The following NIN variants were observed in gnomAD, a reference collection of about 807,000 sequenced individuals.
The protein encoded by NIN is glycogen synthase kinase 3 beta-interacting protein.
Under a neutral mutation model 257.6 loss-of-function variants are expected in NIN, and 137 were observed. The ratio of observed to expected loss-of-function variants is 0.53; its 90% CI spans 0.46 to 0.61. The LOEUF is 0.61. Ranked by LOEUF, NIN falls within the 20% of genes least tolerant of loss-of-function variation. NIN has a pLI of 0.00. For synonymous variants in NIN, 918 were observed against 919.8 expected, an observed-to-expected ratio of 1.00 and a Z score of 0.04; for missense variants, 2,439 against 2,501.2, an observed-to-expected ratio of 0.98 and a Z score of 0.53.
At chr14:50,745,552 G>T (rs1049053036) in intron 22 of NIN, among the ~76,000 whole-genome samples, 1 of 152,150 alleles carries the variant, frequency 6.6e-6, no homozygotes, top group Non-Finnish European at 1.5e-5. Flanking sequence ...TGTAGGAATA[G>T]TATGACAAAA....
At chr14:50,815,440 T>C (rs2142341348) in intron 3 of NIN, among the ~76,000 whole-genome samples, 1 of 152,324 alleles carries the variant, frequency 6.6e-6, no homozygotes, top group South Asian at 2.1e-4. Context: ...ATGCTGTTGG[T>C]GGGAGTGTAA....
chr14:50,800,001 TACACATACACAC>T (rs912388869), intron 4 of NIN, among the ~76,000 whole-genome samples: 8 of 81,414 alleles, frequency 9.8e-5, no homozygotes, highest in African/African-American at 2.2e-4. Context: ...ACAATATATA[TACACATACACAC>T]ACACACACAC....
At chr14:50,761,957 T>C (rs2042291253) in intron 15 of NIN, 46 bp from the exon 16 acceptor site, 1 of 1,608,644 alleles carries the variant, frequency 6.2e-7, no homozygotes. Flanking sequence ...GTTCTTTCAA[T>C]AACACAGTGT....
chr14:50,803,089 C>T lies in NIN; in HGVS notation c.265+3648G>A, dbSNP rs534819681. On this transcript the variant is annotated intron_variant, in intron 4 of 30. Coordinates refer to ENST00000530997, the MANE Select transcript of NIN (RefSeq NM_020921.4). ...ACAGACCTCGCCGGGCGCAGTGGCT[C>T]ATGCCTGTAATCCCAGCACTTTGGG... 2.0e-5 allele frequency among the ~76,000 whole-genome samples: 3 copies of T among 152,346 alleles called. No individual in the cohort carries two copies. In the South Asian group the frequency reaches 6.2e-4, roughly 32 times the overall value.
At chr14:50,776,853 A>G in intron 7 of NIN, 96 bp downstream of exon 7, 3 of 1,097,290 alleles carry the variant, frequency 2.7e-6, no homozygotes, top group South Asian at 3.3e-5. Flanking sequence ...ATGGAGCCTA[A>G]CAAGCTGCAG....
intron 3 of NIN, among the ~76,000 whole-genome samples, chr14:50,819,543 C>T (rs1255987792): frequency 6.6e-6 from 1 of 152,188 alleles, no homozygotes; most frequent in Non-Finnish European, 1.5e-5. Flanking sequence ...CACCTTCCAC[C>T]ATGATTGTGA....
At chr14:50,779,736 C>T (rs1254264870) in intron 5 of NIN, among the ~76,000 whole-genome samples, 1 of 148,860 alleles carries the variant, frequency 6.7e-6, no homozygotes, top group Non-Finnish European at 1.5e-5. Context: ...CCAGCCTGGG[C>T]AACAGAGCGA....
At chr14:50,813,505 T>C (rs531870990) in intron 3 of NIN, among the ~76,000 whole-genome samples, 2 of 152,368 alleles carry the variant, frequency 1.3e-5, no homozygotes, top group South Asian at 4.1e-4. Context: ...CACCACCTCT[T>C]AGGAGAAATT....
At chr14:50,731,487 C>A (rs368686567) in intron 28 of NIN, among the ~76,000 whole-genome samples, 1 of 140,468 alleles carries the variant, frequency 7.1e-6, no homozygotes, top group East Asian at 2.1e-4. Context: ...GCCAAGATCA[C>A]ACCAATGCAC....
Position 50,726,054 on chromosome 14 carries a change from G to C in NIN, c.6091C>G (p.Gln2031Glu). ...CGTTCCTCCATGACAGTTACCAGTT[G>C]TTCCTGGTTTCCCTGAAGGGAAGAA... ...ETNTPQGNQE[Q>E]LVTVMEERMI... The change falls in exon 30 of 31, where the codon CAA (glutamine) becomes GAA (glutamate). Residue 2031 changes from glutamine (Q) to glutamate (E), a missense_variant. Physicochemically the swap from Gln to Glu is conservative, Grantham distance 29. This residue lies in a region of NIN where 2,043 missense variants were observed against 2,050.2 expected (regional missense o/e 1.00). Transcript: ENST00000530997. The C allele has an allele frequency of 1.2e-6, 2 of 1,612,218 alleles. No individual in the cohort carries two copies. The highest frequency in any genetic ancestry group is 1.7e-6 in the Non-Finnish European group (2 of 1,178,668).
At chr14:50,806,089 A>AT (rs902725592) in intron 4 of NIN, 1 of 152,252 alleles carries the variant, frequency 6.6e-6, no homozygotes, top group Admixed American at 6.5e-5. Context: ...ATTGGCAACA[A>AT]TTTTTGTTTT....
intron 27 of NIN, among the ~76,000 whole-genome samples, chr14:50,735,887 T>C (rs1216975489): frequency 6.6e-6 from 1 of 152,222 alleles, no homozygotes; most frequent in Non-Finnish European, 1.5e-5. Context: ...CGTTTTATCT[T>C]ACAACGCAGT....
At chr14:50,723,704 A>C (rs1242552659) in intron 30 of NIN, 32 bp from the exon 31 acceptor site, 2 of 1,590,232 alleles carry the variant, frequency 1.3e-6, no homozygotes, top group Admixed American at 1.7e-5. Context: ...TCTTGACTCC[A>C]TTTCTGTAAC....
chr14:50,808,714 GA>G (rs1231169280), intron 3 of NIN, among the ~76,000 whole-genome samples: 1 of 152,196 alleles, frequency 6.6e-6, no homozygotes, highest in African/African-American at 2.4e-5. Flanking sequence ...ATAGTCTCAG[GA>G]AATGTCACAG....
intron 9 of NIN, 116 bp from the exon 10 acceptor site, chr14:50,771,584 C>T (rs990861135): frequency 1.9e-5 from 21 of 1,085,968 alleles, no homozygotes; most frequent in African/African-American, 3.2e-5. Flanking sequence ...AGCAATTAGA[C>T]AATTCCATTG....
At chr14:50,729,122 G>C (rs1259344923) in intron 29 of NIN, among the ~76,000 whole-genome samples, 1 of 152,130 alleles carries the variant, frequency 6.6e-6, no homozygotes, top group African/African-American at 2.4e-5. Flanking sequence ...TATTACAAAT[G>C]GGCAAATCGT....
intron 4 of NIN, among the ~76,000 whole-genome samples, chr14:50,805,244 A>C (rs1242663920): frequency 2.6e-5 from 4 of 152,206 alleles, no homozygotes; most frequent in Non-Finnish European, 5.9e-5. Context: ...CAGATGTCGC[A>C]CCATTGTCAT....
chr14:50,771,594 G>T, intron 9 of NIN, 126 bp from the exon 10 acceptor site: 1 of 996,192 alleles, frequency 1.0e-6, no homozygotes, highest in Non-Finnish European at 1.5e-6. Flanking sequence ...CAATTCCATT[G>T]CTTTGGTGAT....
At position 50,722,910 on chromosome 14, in the gene NIN, T is replaced by A. The variant is rs1255135430; in HGVS notation, c.*553A>T. 1 of 214,734 alleles carries A rather than the reference T, an allele frequency of 4.7e-6. No individual in the cohort carries two copies. The highest frequency in any genetic ancestry group is 5.8e-5 in the Admixed American group (1 of 17,150). The allele number at this position is 214,734 out of a possible 1,614,324, so 13.3% of individuals were successfully genotyped here. A position where few individuals can be genotyped will look rare whatever the true frequency, so the allele number is the denominator to read the frequency against. On this transcript the variant is annotated 3_prime_UTR_variant, in exon 31 of 31. Coordinates refer to ENST00000530997, the MANE Select transcript of NIN (RefSeq NM_020921.4). ...TTAGAAGGTTAGAATTCTACAGATT[T>A]GGGTTTGTCTGATGTCAGCGGTTAA...
Sources: allele counts gnomAD v4.1 joint callset (sites outside exome capture counted in the v4.1 genomes callset), GRCh38; gene constraint gnomAD v4.1.1; regional missense constraint gnomAD v4.1.1; transcripts MANE v1.5; gene names NCBI Gene and HGNC (gene_info 2026-07-23, HGNC 2026-07-21).